Variants in ATP2C2 observed in about 807,000 individuals in gnomAD.
The protein encoded by ATP2C2 is calcium-transporting ATPase type 2C member 2.
Under a neutral mutation model 110.8 loss-of-function variants are expected in ATP2C2, and 171 were observed. That is an observed-to-expected ratio of 1.54 (90% confidence interval 1.36 to 1.75). The LOEUF is 1.75. Ranked by LOEUF, ATP2C2 falls within the 40% of genes most tolerant of loss-of-function variation. The pLI is 0.00. For synonymous variants in ATP2C2, 804 were observed against 508.4 expected (o/e 1.58, Z -7.82); for missense variants, 1,963 against 1,235.0 (o/e 1.59, Z -8.84).
chr16:84,459,055 C>G (rs987616198), intron 21 of ATP2C2, 65 bp from the exon 22 acceptor site: 2 of 1,562,980 alleles, frequency 1.3e-6, no homozygotes, highest in Admixed American at 1.7e-5. Flanking sequence ...CTTGCAGCAA[C>G]CGATGCACTG....
chr16:84,395,673 C>T (rs979079471), intron 1 of ATP2C2, among the ~76,000 whole-genome samples: 1 of 151,874 alleles, frequency 6.6e-6, no homozygotes, highest in Non-Finnish European at 1.5e-5. Flanking sequence ...CCATGCCTGG[C>T]TAATTTTTGT....
intron 6 of ATP2C2, among the ~76,000 whole-genome samples, chr16:84,413,197 A>G (rs921291145): frequency 6.6e-6 from 1 of 152,006 alleles, no homozygotes; most frequent in African/African-American, 2.4e-5. Flanking sequence ...TTTGGCAAAC[A>G]TACGGCAACT....
chr16:84,398,739 A>G lies in ATP2C2; in HGVS notation c.210+130A>G, dbSNP rs919365475. ...AATTTTATCATCAAGGTTGGAAAAT[A>G]TTGTTGATGTTGAATGGTTCAGATT... On this transcript the variant is annotated intron_variant, in intron 2 of 26. Coordinates refer to ENST00000262429, the MANE Select transcript of ATP2C2 (RefSeq NM_014861.4). 4.2e-6 allele frequency: 3 copies of G among 713,936 alleles called. No individual in the cohort carries two copies. In the African/African-American group the frequency reaches 5.6e-5, roughly 13 times the overall value. 44.2% of individuals were successfully genotyped at this position (713,936 alleles called of 1,614,324 possible). A position where few individuals can be genotyped will look rare whatever the true frequency, so the allele number is the denominator to read the frequency against.
chr16:84,371,667 C>T (rs1909961849), intron 1 of ATP2C2, among the ~76,000 whole-genome samples: 1 of 152,228 alleles, frequency 6.6e-6, no homozygotes. Flanking sequence ...GCTGTCTCTG[C>T]CCCTCAGGGC....
chr16:84,461,366 G>C (rs770705085), intron 24 of ATP2C2: 1 of 414,272 alleles, frequency 2.4e-6, no homozygotes, highest in Non-Finnish European at 4.4e-6. Flanking sequence ...CTCTACTACT[G>C]ACGGCCATCC....
chr16:84,463,778 G>T lies in ATP2C2; in HGVS notation c.*46G>T. On this transcript the variant is annotated 3_prime_UTR_variant, in exon 27 of 27. Coordinates refer to ENST00000262429, the MANE Select transcript of ATP2C2 (RefSeq NM_014861.4). ...CTTCCCTAATCATCTCGATCTGGTT[G>T]TGACTGTGGCCCCTGCCGTGTCTCC... The T allele has an allele frequency of 6.6e-7, 1 of 1,520,794 alleles. No homozygotes were observed. Among genetic ancestry groups the T allele is most frequent in the Non-Finnish European group, 9.1e-7 (1 of 1,095,658 alleles). 94.2% of individuals were successfully genotyped at this position (1,520,794 alleles called of 1,614,324 possible).
In ATP2C2 at chr16:84,463,775, G is replaced by T; in HGVS notation, c.*43G>T. 1 of 1,532,212 alleles carries T rather than the reference G, an allele frequency of 6.5e-7. No individual in the cohort carries two copies. The highest frequency in any genetic ancestry group is 9.0e-7 in the Non-Finnish European group (1 of 1,106,012). 94.9% of individuals were successfully genotyped at this position (1,532,212 alleles called of 1,614,324 possible). A position where few individuals can be genotyped will look rare whatever the true frequency, so the allele number is the denominator to read the frequency against. ...CACCTTCCCTAATCATCTCGATCTG[G>T]TTGTGACTGTGGCCCCTGCCGTGTC... is the stretch of plus-strand genomic sequence containing the variant. On this transcript the variant is annotated 3_prime_UTR_variant, in exon 27 of 27. Transcript: ENST00000262429.
intron 6 of ATP2C2, among the ~76,000 whole-genome samples, chr16:84,411,501 G>A (rs1164205536): frequency 6.6e-6 from 1 of 152,180 alleles, no homozygotes; most frequent in African/African-American, 2.4e-5. Flanking sequence ...GAGTGCAGTG[G>A]CACAATCTCA....
At chr16:84,373,985 G>A (rs1275858213) in intron 1 of ATP2C2, among the ~76,000 whole-genome samples, 2 of 152,204 alleles carry the variant, frequency 1.3e-5, no homozygotes, top group Admixed American at 1.3e-4. Flanking sequence ...CTGCCAGCAA[G>A]CAGCCTACGA....
chr16:84,404,524 G>T (rs73243733), intron 2 of ATP2C2: 1 of 180,312 alleles, frequency 5.5e-6, no homozygotes, highest in African/African-American at 2.4e-5. Flanking sequence ...GCACGTGTCA[G>T]CATTTTCTTT....
chr16:84,397,655 C>CGAAAAAAAAAAAAAAAA (rs575113297), intron 1 of ATP2C2, among the ~76,000 whole-genome samples: 1 of 63,512 alleles, frequency 1.6e-5, no homozygotes, highest in Non-Finnish European at 3.5e-5. Flanking sequence ...GCCTGGGTGA[C>CGAAAAAAAAAAAAAAAA]AAAAAAAAAA....
intron 2 of ATP2C2, among the ~76,000 whole-genome samples, chr16:84,399,364 C>G (rs1905184352): frequency 6.6e-6 from 1 of 152,198 alleles, no homozygotes; most frequent in African/African-American, 2.4e-5. Flanking sequence ...TTATCCCTAG[C>G]TAGAAAATGA....
intron 15 of ATP2C2, among the ~76,000 whole-genome samples, chr16:84,443,252 G>A (rs1909434308): frequency 6.6e-6 from 1 of 152,150 alleles, no homozygotes. Flanking sequence ...TTAAGAGGAG[G>A]GAGCAAAGGA....
intron 15 of ATP2C2, among the ~76,000 whole-genome samples, chr16:84,445,131 T>G (rs926928945): frequency 6.6e-6 from 1 of 151,984 alleles, no homozygotes; most frequent in African/African-American, 2.4e-5. Context: ...CGCAGACGCA[T>G]CCCTGCCTTG....
At chr16:84,406,379 C>T (rs1394770723) in intron 3 of ATP2C2, among the ~76,000 whole-genome samples, 3 of 152,218 alleles carry the variant, frequency 2.0e-5, no homozygotes, top group Non-Finnish European at 4.4e-5. Flanking sequence ...CTTAGATCCC[C>T]TTTTCCAGCC....
In ATP2C2 at chr16:84,398,483, C is replaced by T; in HGVS notation, c.100-16C>T. 1 of 1,563,640 alleles carries T rather than the reference C, an allele frequency of 6.4e-7. No individual in the cohort carries two copies. Among genetic ancestry groups the T allele is most frequent in the East Asian group, 2.3e-5 (1 of 44,058 alleles). On this transcript the variant is annotated splice_polypyrimidine_tract_variant and intron_variant, in intron 1 of 26. Transcript: ENST00000262429. ...AAAGTTCAATCCGCTAAACAGCAAC[C>T]CTGCTCTTTTCACAGATTGATGAAC... is the stretch of plus-strand genomic sequence containing the variant.
At chr16:84,410,393 G>T (rs1169765228) in intron 4 of ATP2C2, among the ~76,000 whole-genome samples, 175 bp from the exon 5 acceptor site, 2 of 152,186 alleles carry the variant, frequency 1.3e-5, no homozygotes, top group Non-Finnish European at 2.9e-5. Flanking sequence ...GTAAAAGATA[G>T]TGTCAATTTT....
At chr16:84,420,203 C>T (rs1907204998) in intron 7 of ATP2C2, among the ~76,000 whole-genome samples, 1 of 152,148 alleles carries the variant, frequency 6.6e-6, no homozygotes, top group South Asian at 2.1e-4. Context: ...GGATCCAGTG[C>T]TTGTTTATCG....
At chr16:84,444,468 G>A (rs1208998354) in intron 15 of ATP2C2, among the ~76,000 whole-genome samples, 1 of 152,132 alleles carries the variant, frequency 6.6e-6, no homozygotes, top group African/African-American at 2.4e-5. Flanking sequence ...GCAAGACTCC[G>A]TCTCAAAAAA....
Sources: allele counts gnomAD v4.1 joint callset (sites outside exome capture counted in the v4.1 genomes callset), GRCh38; gene constraint gnomAD v4.1.1; transcripts MANE v1.5; gene names NCBI Gene and HGNC (gene_info 2026-07-23, HGNC 2026-07-21).